PRKG1: variants seen among roughly 807,000 people sequenced by gnomAD.
PRKG1 encodes cGMP-dependent protein kinase 1.
PRKG1 carries 35 observed loss-of-function variants against 88.1 expected under a neutral mutation model. The ratio of observed to expected loss-of-function variants is 0.40; its 90% CI spans 0.30 to 0.53. The LOEUF (loss-of-function observed/expected upper bound fraction) is 0.53, where lower values mean the gene tolerates loss of function less well. Among genes scored for constraint, PRKG1 ranks in the 20% least tolerant of loss-of-function variants. The probability of loss-of-function intolerance (pLI) is 0.59; values close to 1 mark genes in which losing one functional copy is unlikely to be tolerated. For synonymous variants in PRKG1, 303 were observed against 292.5 expected (o/e 1.04, Z -0.37); for missense variants, 540 against 839.8 (o/e 0.64, Z 4.41).
At chr10:51,327,976 TG>T (rs1336459624) in intron 2 of PRKG1, among the ~76,000 whole-genome samples, 6 of 152,210 alleles carry the variant, frequency 3.9e-5, no homozygotes, top group Non-Finnish European at 8.8e-5. Flanking sequence ...ACCATTTTTG[TG>T]GTGAGAACAC....
intron 5 of PRKG1, among the ~76,000 whole-genome samples, chr10:51,990,551 G>A (rs367806482): frequency 6.6e-6 from 1 of 151,588 alleles, no homozygotes; most frequent in East Asian, 1.9e-4. Context: ...AATCTTTCAG[G>A]TAATTTGTAT....
chr10:51,213,173 G>T (rs1359445132), intron 2 of PRKG1, among the ~76,000 whole-genome samples: 2 of 152,176 alleles, frequency 1.3e-5, no homozygotes, highest in Admixed American at 6.5e-5. Flanking sequence ...TAGGGACATG[G>T]ATGAAGCTGG....
rs150366346 is a variant in PRKG1, at chr10:51,741,758, C to T, written c.593-62827C>T. Among the ~76,000 whole-genome samples the T allele has an allele frequency of 2.3e-4, 35 of 151,982 alleles. No homozygotes were observed. The East Asian group carries it at 3.5e-3, about 15-fold the overall frequency. ...TACCTTTATTATCCTAGGGATCCTA[C>T]GGTAAAAAATAAGGTTCTTCGCATT... On this transcript the variant is annotated intron_variant, in intron 3 of 17. Coordinates refer to ENST00000373980, the MANE Select transcript of PRKG1 (RefSeq NM_006258.4).
chr10:51,672,364 T>C (rs920469593), intron 3 of PRKG1, among the ~76,000 whole-genome samples: 4 of 152,254 alleles, frequency 2.6e-5, no homozygotes, highest in Admixed American at 2.6e-4. Context: ...TCTCTCTTTC[T>C]TCCTGTCTAA....
At chr10:51,539,287 T>C (rs1490057105) in intron 3 of PRKG1, among the ~76,000 whole-genome samples, 1 of 152,104 alleles carries the variant, frequency 6.6e-6, no homozygotes, top group Non-Finnish European at 1.5e-5. Flanking sequence ...CTCCCCAGAG[T>C]AAATGTAACT....
intron 2 of PRKG1, among the ~76,000 whole-genome samples, chr10:51,369,426 A>T (rs1344514860): frequency 6.6e-6 from 1 of 152,034 alleles, no homozygotes; most frequent in Non-Finnish European, 1.5e-5. Flanking sequence ...TCTCACTGGG[A>T]AGTAGGTTTC....
At chr10:52,232,232 G>A (rs2132353752) in intron 9 of PRKG1, among the ~76,000 whole-genome samples, 1 of 152,188 alleles carries the variant, frequency 6.6e-6, no homozygotes, top group South Asian at 2.1e-4. Flanking sequence ...GAACCCGGGA[G>A]GTGGAGGATG....
intron 9 of PRKG1, among the ~76,000 whole-genome samples, chr10:52,192,466 C>T (rs192228221): frequency 6.6e-6 from 1 of 152,054 alleles, no homozygotes; most frequent in Non-Finnish European, 1.5e-5. Context: ...CCTAATCTTG[C>T]AGTATTCCCA....
At chr10:52,062,451 G>T (rs1027512165) in intron 6 of PRKG1, 86 bp from the exon 7 acceptor site, 1 of 775,184 alleles carries the variant, frequency 1.3e-6, no homozygotes, top group Non-Finnish European at 1.9e-6. Flanking sequence ...AAAGAAACAA[G>T]AAACGGAATT....
intron 3 of PRKG1, among the ~76,000 whole-genome samples, chr10:51,594,429 G>A (rs1428262522): frequency 6.6e-6 from 1 of 152,044 alleles, no homozygotes; most frequent in African/African-American, 2.4e-5. Flanking sequence ...ATAATAAATG[G>A]TTTGTTGATA....
intron 1 of PRKG1, among the ~76,000 whole-genome samples, chr10:51,005,031 A>C (rs548576727): frequency 6.6e-6 from 1 of 152,292 alleles, no homozygotes; most frequent in Admixed American, 6.5e-5. Context: ...ATAGGATGGC[A>C]ACCTCGGTAG....
chr10:51,777,833 G>A (rs72799414), intron 3 of PRKG1, among the ~76,000 whole-genome samples: 14,875 of 152,108 alleles, frequency 0.098, 793 homozygotes, highest in African/African-American at 0.12. Context: ...TTTCCAGAAT[G>A]TCGTATACTG....
intron 2 of PRKG1, among the ~76,000 whole-genome samples, chr10:51,369,975 A>T (rs1588887824): frequency 6.6e-6 from 1 of 151,998 alleles, no homozygotes; most frequent in Non-Finnish European, 1.5e-5. Flanking sequence ...TCTTGTACTA[A>T]CTCTAGCAAG....
rs562901475 is a variant in PRKG1, at chr10:51,474,989, A to C, written c.592+7153A>C. The stretch of plus-strand genomic sequence containing the variant: ...TGCATTATGTAATGTAATCTTCAAA[A>C]TACCTCAATCTAGTAGATGAAAGAG... On this transcript the variant is annotated intron_variant, in intron 3 of 17. Transcript: ENST00000373980. 2.6e-5 allele frequency among the ~76,000 whole-genome samples: 4 copies of C among 152,114 alleles called. No individual in the cohort carries two copies. In the South Asian group the frequency reaches 8.3e-4, roughly 32 times the overall value.
chr10:51,622,577 C>T (rs10762252), intron 3 of PRKG1, among the ~76,000 whole-genome samples: 98,586 of 152,020 alleles, frequency 0.65, 34,574 homozygotes, highest in South Asian at 0.83. Flanking sequence ...TAATTGAAAA[C>T]GGTCATGGGA....
At chr10:51,308,688 T>C (rs1280883000) in intron 2 of PRKG1, among the ~76,000 whole-genome samples, 1 of 152,020 alleles carries the variant, frequency 6.6e-6, no homozygotes, top group Non-Finnish European at 1.5e-5. Flanking sequence ...ATTGTTCAAG[T>C]AGGTTGAGGA....
chr10:52,128,656 G>A (rs1246856939), intron 7 of PRKG1: 1 of 824,520 alleles, frequency 1.2e-6, no homozygotes, highest in Admixed American at 6.2e-5. Context: ...CTTAAAAAGA[G>A]GCCACTACTA....
intron 3 of PRKG1, among the ~76,000 whole-genome samples, chr10:51,637,816 G>T (rs1338113338): frequency 6.6e-6 from 1 of 152,158 alleles, no homozygotes; most frequent in Non-Finnish European, 1.5e-5. Flanking sequence ...GCTAATGGAT[G>T]CTGGGCTTAA....
chr10:52,033,136 T>G (rs1431530808), intron 5 of PRKG1, among the ~76,000 whole-genome samples: 2 of 152,196 alleles, frequency 1.3e-5, no homozygotes, highest in Non-Finnish European at 2.9e-5. Context: ...TGAGCCCAAA[T>G]GCCACCTTAG....
Sources: allele counts gnomAD v4.1 joint callset (sites outside exome capture counted in the v4.1 genomes callset), GRCh38; gene constraint gnomAD v4.1.1; transcripts MANE v1.5; gene names NCBI Gene and HGNC (gene_info 2026-07-23, HGNC 2026-07-21).